The following RBFOX1 variants were observed in gnomAD, a reference collection of about 807,000 sequenced individuals.
The protein encoded by RBFOX1 is RNA binding fox-1 homolog 1, also known as RNA binding protein fox-1 homolog 1.
A neutral mutation model predicts 57.7 loss-of-function variants in RBFOX1; 8 were observed. The ratio of observed to expected loss-of-function variants is 0.14; its 90% CI spans 0.08 to 0.25. The LOEUF is 0.25. Ranked by LOEUF, RBFOX1 falls within the 10% of genes least tolerant of loss-of-function variation. The probability of loss-of-function intolerance (pLI) is 1.00; values close to 1 mark genes in which losing one functional copy is unlikely to be tolerated. For synonymous variants in RBFOX1, 326 were observed against 222.4 expected, an observed-to-expected ratio of 1.47 and a Z score of -4.15; for missense variants, 611 against 548.5, an observed-to-expected ratio of 1.11 and a Z score of -1.14.
chr16:5,967,274 T>C (rs2059865667), intron 4 of RBFOX1, among the ~76,000 whole-genome samples: 1 of 152,188 alleles, frequency 6.6e-6, no homozygotes, highest in African/African-American at 2.4e-5. Flanking sequence ...CATATATCAA[T>C]CTATGAATAA....
chr16:7,521,479 G>C (rs2077501775), intron 5 of RBFOX1, among the ~76,000 whole-genome samples: 1 of 152,174 alleles, frequency 6.6e-6, no homozygotes, highest in African/African-American at 2.4e-5. Context: ...GGGGAGCTGA[G>C]ATGCTCCACA....
At chr16:6,918,612 C>G (rs746175432) in intron 3 of RBFOX1, among the ~76,000 whole-genome samples, 2 of 152,072 alleles carry the variant, frequency 1.3e-5, no homozygotes, top group Non-Finnish European at 2.9e-5. Flanking sequence ...TTATCTTACC[C>G]AAATCTCATA....
Position 6,111,980 on chromosome 16 carries a change from C to T in RBFOX1, c.-127+91988C>T, listed in dbSNP as rs74004751. On this transcript the variant is annotated intron_variant, in intron 1 of 15. Coordinates refer to ENST00000550418, the MANE Select transcript of RBFOX1 (RefSeq NM_018723.4). ...TAAAGGTGTGATTATTAAAGGATCG[C>T]TAAAACTTAATCTGTCTCATTTTCC... Among the ~76,000 whole-genome samples the T allele has an allele frequency of 3.6e-3, 542 of 152,094 alleles. 7 individuals are homozygous for T. The highest frequency in any genetic ancestry group is 0.017 in the East Asian group (87 of 5,162).
chr16:5,448,933 A>G (rs191406528), intron 1 of RBFOX1, among the ~76,000 whole-genome samples: 1 of 150,876 alleles, frequency 6.6e-6, no homozygotes, highest in East Asian at 2.0e-4. Flanking sequence ...GTCTCCTCCC[A>G]CTCTCTACTG....
chr16:7,218,072 T>C (rs2152831301), intron 4 of RBFOX1, among the ~76,000 whole-genome samples: 1 of 122,220 alleles, frequency 8.2e-6, no homozygotes, highest in East Asian at 3.8e-4. Flanking sequence ...CGTGTGTGTG[T>C]GTGCGTCTGT....
intron 4 of RBFOX1, among the ~76,000 whole-genome samples, chr16:7,052,993 G>C (rs751944654): frequency 8.5e-5 from 13 of 152,138 alleles, no homozygotes; most frequent in Non-Finnish European, 1.6e-4. Flanking sequence ...AGTGGGATTT[G>C]GCGTTAGGAA....
At chr16:7,087,896 T>G (rs1567209934) in intron 4 of RBFOX1, among the ~76,000 whole-genome samples, 2 of 151,542 alleles carry the variant, frequency 1.3e-5, no homozygotes, top group African/African-American at 4.8e-5. Flanking sequence ...CTCTTTCTCT[T>G]TCTCTCTCTC....
chr16:7,286,445 C>CTTTTT (rs1555669859), intron 4 of RBFOX1, among the ~76,000 whole-genome samples: 1 of 143,692 alleles, frequency 7.0e-6, no homozygotes, highest in African/African-American at 2.6e-5. Context: ...TTGATACTTT[C>CTTTTT]TTATTTTTTT....
chr16:6,008,326 C>T lies in RBFOX1; in HGVS notation c.351+140991C>T, dbSNP rs370536846. On this transcript the variant is annotated intron_variant, in intron 4 of 19. Transcript: ENST00000641259. ...GTGGTGTTCCTGAAGCCACAGAGAG[C>T]TGCCAGGAGATTGTTAATACATCCT... 2.0e-5 allele frequency among the ~76,000 whole-genome samples: 3 copies of T among 151,520 alleles called. No homozygotes were observed. In the South Asian group the frequency reaches 6.3e-4, roughly 32 times the overall value.
intron 1 of RBFOX1, among the ~76,000 whole-genome samples, chr16:5,397,559 G>T (rs1205318319): frequency 6.6e-6 from 1 of 152,156 alleles, no homozygotes; most frequent in Non-Finnish European, 1.5e-5. Flanking sequence ...ACTGATTAAA[G>T]ATTGAAAAGT....
intron 3 of RBFOX1, among the ~76,000 whole-genome samples, chr16:6,670,860 C>T (rs35858390): frequency 0.17 from 24,951 of 150,594 alleles, 2,270 homozygotes; most frequent in Non-Finnish European, 0.2. Flanking sequence ...ATTAGCCGGG[C>T]ATGGTGGCGG....
chr16:6,380,919 G>T (rs1001452542), intron 2 of RBFOX1, among the ~76,000 whole-genome samples: 1 of 151,670 alleles, frequency 6.6e-6, no homozygotes, highest in Non-Finnish European at 1.5e-5. Context: ...ACAAACCAAA[G>T]GTCCTCATAT....
At chr16:6,576,641 C>T (rs2097442066) in intron 2 of RBFOX1, among the ~76,000 whole-genome samples, 1 of 139,256 alleles carries the variant, frequency 7.2e-6, no homozygotes, top group Non-Finnish European at 1.6e-5. Context: ...GGGGTTGTTC[C>T]TATTTTTGTT....
At chr16:6,398,510 C>G (rs1289946846) in intron 2 of RBFOX1, among the ~76,000 whole-genome samples, 1 of 152,030 alleles carries the variant, frequency 6.6e-6, no homozygotes, top group Non-Finnish European at 1.5e-5. Context: ...GTACAGGCAT[C>G]GGATAAATAC....
intron 3 of RBFOX1, among the ~76,000 whole-genome samples, chr16:5,730,718 T>C (rs984413221): frequency 6.6e-6 from 1 of 151,966 alleles, no homozygotes; most frequent in African/African-American, 2.4e-5. Context: ...ACCAGCTTAT[T>C]ATTATCATCA....
At chr16:6,935,392 T>C (rs1026223396) in intron 3 of RBFOX1, among the ~76,000 whole-genome samples, 1 of 152,176 alleles carries the variant, frequency 6.6e-6, no homozygotes, top group African/African-American at 2.4e-5. Flanking sequence ...CACAATACCA[T>C]GTGACTTCCA....
chr16:5,618,098 G>C (rs541340000), intron 3 of RBFOX1, among the ~76,000 whole-genome samples: 1 of 152,290 alleles, frequency 6.6e-6, no homozygotes, highest in South Asian at 2.1e-4. Flanking sequence ...CTACCACTCA[G>C]ATCATGATGT....
chr16:6,293,003 C>A (rs545018381), intron 1 of RBFOX1, among the ~76,000 whole-genome samples: 177 of 152,198 alleles, frequency 1.2e-3, no homozygotes, highest in Non-Finnish European at 1.6e-3. Flanking sequence ...AATTTCCTTC[C>A]TGTCTTCATA....
intron 2 of RBFOX1, among the ~76,000 whole-genome samples, chr16:6,545,880 C>G (rs1376129136): frequency 6.6e-6 from 1 of 152,214 alleles, no homozygotes; most frequent in African/African-American, 2.4e-5. Context: ...TCCCAGGTGT[C>G]TGATGCCAGG....
Sources: gnomAD v4.1 joint callset for allele counts (sites outside exome capture counted in the v4.1 genomes callset) on GRCh38, gnomAD v4.1.1 for gene constraint, MANE v1.5 for transcripts, NCBI Gene and HGNC (gene_info 2026-07-23, HGNC 2026-07-21) for gene names.